Variants in ANKS1B observed in about 807,000 individuals in gnomAD.
ANKS1B encodes ankyrin repeat and sterile alpha motif domain-containing protein 1B.
A neutral mutation model predicts 148.3 loss-of-function variants in ANKS1B; 36 were observed. That is an observed-to-expected ratio of 0.24 (90% CI 0.19 to 0.32). The LOEUF (loss-of-function observed/expected upper bound fraction) is 0.32, where lower values mean the gene tolerates loss of function less well. Among genes scored for constraint, ANKS1B ranks in the 10% least tolerant of loss-of-function variants. The probability of loss-of-function intolerance (pLI) is 1.00; values close to 1 mark genes in which losing one functional copy is unlikely to be tolerated. For synonymous variants in ANKS1B, 542 were observed against 560.8 expected, an observed-to-expected ratio of 0.97 and a Z score of 0.47; for missense variants, 1,157 against 1,542.6, an observed-to-expected ratio of 0.75 and a Z score of 4.19.
At chr12:99,308,231 GACATA>G (rs1293287880) in intron 12 of ANKS1B, among the ~76,000 whole-genome samples, 2 of 152,010 alleles carry the variant, frequency 1.3e-5, no homozygotes, top group Admixed American at 6.6e-5. Context: ...AGAGAATTAA[GACATA>G]ACATATCAGA....
chr12:99,191,239 C>G (rs1434742069), intron 14 of ANKS1B, among the ~76,000 whole-genome samples: 1 of 152,186 alleles, frequency 6.6e-6, no homozygotes, highest in Non-Finnish European at 1.5e-5. Flanking sequence ...TGCTTTTATA[C>G]TGTTGGTGGG....
chr12:98,845,293 G>A (rs1250344628), intron 17 of ANKS1B, among the ~76,000 whole-genome samples: 3 of 152,106 alleles, frequency 2.0e-5, no homozygotes, highest in South Asian at 2.1e-4. Flanking sequence ...ATCCAGTTCC[G>A]ACTTCCAAAA....
At chr12:99,781,923 G>T in intron 5 of ANKS1B, 99 bp downstream of exon 5, 2 of 998,408 alleles carry the variant, frequency 2.0e-6, no homozygotes, top group Non-Finnish European at 3.0e-6. Flanking sequence ...AAGGCAAGAG[G>T]GTGATTTGTG....
intron 10 of ANKS1B, among the ~76,000 whole-genome samples, chr12:99,448,536 A>C (rs1472289305): frequency 2.6e-5 from 4 of 152,094 alleles, no homozygotes; most frequent in Admixed American, 2.6e-4. Context: ...ATAACAATGT[A>C]TTGTATTCTT....
intron 12 of ANKS1B, among the ~76,000 whole-genome samples, chr12:99,331,502 G>A (rs181163754): frequency 6.6e-6 from 1 of 151,996 alleles, no homozygotes; most frequent in Admixed American, 6.6e-5. Flanking sequence ...GAACGCTGGA[G>A]TTCTCCTAAG....
intron 17 of ANKS1B, among the ~76,000 whole-genome samples, chr12:99,042,077 C>A (rs996303078): frequency 6.6e-6 from 1 of 152,032 alleles, no homozygotes; most frequent in Non-Finnish European, 1.5e-5. Flanking sequence ...ACAACCCCCC[C>A]AAAATCTCTG....
rs2095587723 is a variant in ANKS1B at position 99,443,671 on chromosome 12, A to T, written c.1575+2T>A. On this transcript the variant is annotated splice_donor_variant, in intron 11 of 26. Transcript: ENST00000683438. LOFTEE classifies it high-confidence loss of function. ...GAAAATGATGCCATTCTGGGCACTTACCTGGGGTCGAATGACTTTTACAAT... is the reference window on the plus strand; with the variant it reads ...GAAAATGATGCCATTCTGGGCACTTTCCTGGGGTCGAATGACTTTTACAAT... The T allele has an allele frequency of 6.2e-7, 1 of 1,611,368 alleles. No homozygotes were observed.
Position 99,542,138 on chromosome 12 carries a change from T to A in ANKS1B, c.1273-37497A>T, listed in dbSNP as rs2097131973. Among the ~76,000 whole-genome samples the A allele has an allele frequency of 2.0e-5, 3 of 152,278 alleles. No individual in the cohort carries two copies. The South Asian group carries it at 6.2e-4, about 32-fold the overall frequency. On this transcript the variant is annotated intron_variant, in intron 9 of 26. Transcript: ENST00000683438. ...AAGTAAAACTATCTTAATTTGTAGA[T>A]GACATGAACTTACATATGTAGAACA...
At chr12:99,849,881 G>A (rs1332563734) in intron 1 of ANKS1B, among the ~76,000 whole-genome samples, 1 of 151,978 alleles carries the variant, frequency 6.6e-6, no homozygotes, top group African/African-American at 2.4e-5. Context: ...TTCTTAATTT[G>A]GATTCTGGAT....
At chr12:99,924,010 T>C (rs1259146494) in intron 1 of ANKS1B, among the ~76,000 whole-genome samples, 4 of 152,148 alleles carry the variant, frequency 2.6e-5, no homozygotes, top group Non-Finnish European at 5.9e-5. Context: ...TAAAATATTG[T>C]ATATTATTTA....
chr12:99,731,811 C>T (rs1268021345), intron 8 of ANKS1B, among the ~76,000 whole-genome samples: 1 of 152,054 alleles, frequency 6.6e-6, no homozygotes, highest in Non-Finnish European at 1.5e-5. Flanking sequence ...AACTGTAAAA[C>T]TGGGCTTCAT....
intron 4 of ANKS1B, among the ~76,000 whole-genome samples, chr12:99,795,817 G>A (rs1330653343): frequency 1.3e-5 from 2 of 151,916 alleles, no homozygotes; most frequent in South Asian, 2.1e-4. Context: ...CAAATTCAAG[G>A]CCTTTTCCAT....
chr12:99,791,973 T>G (rs1438784236), intron 4 of ANKS1B, among the ~76,000 whole-genome samples: 1 of 151,588 alleles, frequency 6.6e-6, no homozygotes, highest in East Asian at 1.9e-4. Context: ...GAAGTTGTTT[T>G]GAAAAGAAAA....
At chr12:99,153,366 A>T (rs769046536) in intron 15 of ANKS1B, among the ~76,000 whole-genome samples, 3 of 152,254 alleles carry the variant, frequency 2.0e-5, no homozygotes, top group Non-Finnish European at 4.4e-5. Context: ...TGTGTGTTAC[A>T]TGCCTGTGTT....
chr12:98,887,971 C>G (rs2099743884), intron 17 of ANKS1B, among the ~76,000 whole-genome samples: 1 of 152,156 alleles, frequency 6.6e-6, no homozygotes, highest in Admixed American at 6.5e-5. Context: ...GTTATAAAGT[C>G]TTTCTTTCTA....
intron 14 of ANKS1B, among the ~76,000 whole-genome samples, chr12:99,198,991 G>T (rs149237410): frequency 7.9e-4 from 120 of 152,264 alleles, no homozygotes; most frequent in African/African-American, 2.5e-3. Context: ...ACACTCGAGC[G>T]GTCCTGTGGA....
At chr12:98,815,985 C>T (rs1171763788) in intron 19 of ANKS1B, among the ~76,000 whole-genome samples, 1 of 152,142 alleles carries the variant, frequency 6.6e-6, no homozygotes, top group Non-Finnish European at 1.5e-5. Flanking sequence ...CAATGACCTG[C>T]AAGGTTCTCC....
chr12:99,339,414 G>A (rs2089525879), intron 12 of ANKS1B, among the ~76,000 whole-genome samples: 2 of 152,126 alleles, frequency 1.3e-5, no homozygotes, highest in African/African-American at 4.8e-5. Flanking sequence ...GGCAGGGTTG[G>A]TGTAGGCAAT....
intron 17 of ANKS1B, among the ~76,000 whole-genome samples, chr12:99,024,927 G>C (rs758610191): frequency 5.3e-5 from 8 of 152,154 alleles, no homozygotes; most frequent in Non-Finnish European, 1.2e-4. Flanking sequence ...CCAATTCTAA[G>C]AAGTTTATCC....
Sources: gnomAD v4.1 joint callset for allele counts (sites outside exome capture counted in the v4.1 genomes callset) on GRCh38, gnomAD v4.1.1 for gene constraint, MANE v1.5 for transcripts, NCBI Gene and HGNC (gene_info 2026-07-23, HGNC 2026-07-21) for gene names.